AEN: variants seen among roughly 807,000 people sequenced by gnomAD.
The protein encoded by AEN is apoptosis-enhancing nuclease.
Under a neutral mutation model 17.7 loss-of-function variants are expected in AEN, and 21 were observed. The ratio of observed to expected loss-of-function variants is 1.19; its 90% CI spans 0.84 to 1.71. The LOEUF (loss-of-function observed/expected upper bound fraction) is 1.71. Ranked by LOEUF, AEN falls within the 40% of genes most tolerant of loss-of-function variation. The probability of loss-of-function intolerance (pLI) is 0.00; values close to 1 mark genes in which losing one functional copy is unlikely to be tolerated. For missense variants in AEN, 462 were observed against 435.9 expected, an observed-to-expected ratio of 1.06 and a Z score of -0.53; for synonymous variants, 190 against 173.0, an observed-to-expected ratio of 1.10 and a Z score of -0.77.
the AEN span, among the ~76,000 whole-genome samples, chr15:88,605,661 G>A: frequency 2.0e-5 from 3 of 152,234 alleles, no homozygotes. The surrounding 1 kb of genome is among the most constrained non-coding windows in gnomAD (Gnocchi z 7.6). Flanking sequence ...TGCTGAAAGA[G>A]AGCGCCTAAT....
chr15:88,630,377 G>A lies in AEN; in HGVS notation c.*83G>A, dbSNP rs1199254862. On this transcript the variant is annotated 3_prime_UTR_variant, in exon 4 of 4. Transcript: ENST00000332810. The surrounding 1 kb of genome is among the most constrained non-coding windows in gnomAD (Gnocchi z 5.1). ...AGGAGAGCAGCGGGCACTCCTTCCTGGGCAGGGTGGGGCAGGATGCAGTGA... is the reference window on the plus strand; with the variant it reads ...AGGAGAGCAGCGGGCACTCCTTCCTAGGCAGGGTGGGGCAGGATGCAGTGA... 1.5e-6 allele frequency: 2 copies of A among 1,305,238 alleles called. No homozygotes were observed. Among genetic ancestry groups the A allele is most frequent in the East Asian group, 2.5e-5 (1 of 39,614 alleles). The allele number at this position is 1,305,238 out of a possible 1,614,324, so 80.9% of individuals were successfully genotyped here. A position where few individuals can be genotyped will look rare whatever the true frequency, so the allele number is the denominator to read the frequency against.
the AEN span, among the ~76,000 whole-genome samples, chr15:88,611,623 C>CA: frequency 6.6e-6 from 1 of 151,790 alleles, no homozygotes; most frequent in Non-Finnish European, 1.5e-5. Context: ...CAACTGTGTC[C>CA]ATTATAGAAA....
chr15:88,631,310 G>A lies in AEN; in HGVS notation c.*1016G>A, dbSNP rs576511005. The A allele has an allele frequency of 3.1e-5, 11 of 353,818 alleles. No individual in the cohort carries two copies. Among genetic ancestry groups the A allele is most frequent in the Middle Eastern group, 5.1e-4 (1 of 1,962 alleles). The allele number at this position is 353,818 out of a possible 1,614,324, so 21.9% of individuals were successfully genotyped here. ...GCCCTGAACCTGGTCTGGTGCCCCCGAACCTGGTCTGATGCCCCCTCAGCT... is the reference window on the plus strand; with the variant it reads ...GCCCTGAACCTGGTCTGGTGCCCCCAAACCTGGTCTGATGCCCCCTCAGCT... On this transcript the variant is annotated 3_prime_UTR_variant, in exon 4 of 4. Transcript: ENST00000332810.
At chr15:88,620,418 C>CT (rs879545684), upstream of AEN, among the ~76,000 whole-genome samples, 53 of 150,638 alleles carry the variant, frequency 3.5e-4, no homozygotes, top group East Asian at 2.9e-3. Context: ...TTCTTTCTTT[C>CT]TTTTTTTTTG....
the AEN span, among the ~76,000 whole-genome samples, chr15:88,610,000 A>T: frequency 2.0e-5 from 3 of 152,194 alleles, no homozygotes; most frequent in Non-Finnish European, 4.4e-5. Flanking sequence ...CTTTAGGGCC[A>T]GGGTTGCTCA....
In AEN at chr15:88,629,301, C is replaced by T. The variant is rs760331879; in HGVS notation, c.616C>T (p.His206Tyr). The change falls in exon 3 of 4, where the codon CAC becomes TAC. Residue 206 changes from histidine (H) to tyrosine (Y), a missense_variant. Coordinates refer to ENST00000332810, the MANE Select transcript of AEN (RefSeq NM_022767.4). ...CGACTTCCAGGCGCTCAAGTATGTC[C>T]ACCCTCGGAGCCAGACCCGGGATAC... ...HNDFQALKYV[H>Y]PRSQTRDTTY... The T allele has an allele frequency of 6.2e-7, 1 of 1,614,150 alleles. No individual in the cohort carries two copies. Among genetic ancestry groups the T allele is most frequent in the South Asian group, 1.1e-5 (1 of 91,082 alleles).
the AEN span, among the ~76,000 whole-genome samples, chr15:88,607,465 A>G: frequency 6.6e-6 from 1 of 152,256 alleles, no homozygotes; most frequent in Non-Finnish European, 1.5e-5. Flanking sequence ...GGAAATCGCT[A>G]GCAAGTTACC....
the AEN span, among the ~76,000 whole-genome samples, chr15:88,609,260 A>G: frequency 3.9e-5 from 6 of 152,274 alleles, no homozygotes; most frequent in South Asian, 1.2e-3. Flanking sequence ...TACCCCTTTG[A>G]TTCCCTCAAA....
At chr15:88,622,619 A>AAACAG (rs112955650) in intron 1 of AEN, among the ~76,000 whole-genome samples, 11,104 of 152,178 alleles carry the variant, frequency 0.073, 457 homozygotes, top group African/African-American at 0.095. Context: ...AGTCAGAGTG[A>AAACAG]AACAGAACAG....
In AEN at chr15:88,631,189, C is replaced by T. The variant is rs148957684; in HGVS notation, c.*895C>T. 3.5e-4 allele frequency: 159 copies of T among 456,552 alleles called. No homozygotes were observed. The highest frequency in any genetic ancestry group is 2.8e-3 in the African/African-American group (142 of 50,160). 28.3% of individuals were successfully genotyped at this position (456,552 alleles called of 1,614,324 possible). A position where few individuals can be genotyped will look rare whatever the true frequency, so the allele number is the denominator to read the frequency against. On this transcript the variant is annotated 3_prime_UTR_variant, in exon 4 of 4. Transcript: ENST00000332810. ...GGCCTTTGTGTAGGATTGTGCCTGA[C>T]CTTTATTTATTTATTAACAGCAGGG...
intron 2 of AEN, chr15:88,627,106 A>C (rs1444544502): frequency 1.3e-5 from 3 of 238,400 alleles, no homozygotes; most frequent in African/African-American, 4.5e-5. Flanking sequence ...ATGTTTTGGC[A>C]TATTTCCTTA....
chr15:88,626,802 C>T (rs1379219867), intron 2 of AEN, 53 bp downstream of exon 2: 3 of 1,549,238 alleles, frequency 1.9e-6, no homozygotes, highest in Non-Finnish European at 8.7e-7. Flanking sequence ...TGGAAAGAGC[C>T]ACCCTGGGTT....
upstream of AEN, among the ~76,000 whole-genome samples, chr15:88,620,127 C>A (rs2057770017): frequency 6.6e-6 from 1 of 152,130 alleles, no homozygotes; most frequent in Non-Finnish European, 1.5e-5. Flanking sequence ...TCAGAAAGAG[C>A]TCCTAGCTTA....
At chr15:88,616,695 A>G (rs548422587), upstream of AEN, among the ~76,000 whole-genome samples, 4 of 152,346 alleles carry the variant, frequency 2.6e-5, no homozygotes, top group South Asian at 8.3e-4. Flanking sequence ...ACATTTTTCA[A>G]CTTTACAATA....
In AEN at chr15:88,629,164, G is replaced by A. The variant is rs1490792360; in HGVS notation, c.541-62G>A. Reference sequence around the variant, plus strand: ...TCTATTGGCCAGGGGTTCTCAGGGCGTGTCTCCTGCCAACCTGATGGGGTG... The same window carrying A: ...TCTATTGGCCAGGGGTTCTCAGGGCATGTCTCCTGCCAACCTGATGGGGTG... On this transcript the variant is annotated intron_variant, in intron 2 of 3. Coordinates refer to ENST00000332810, the MANE Select transcript of AEN (RefSeq NM_022767.4). 46 of 1,544,204 alleles carry A rather than the reference G, an allele frequency of 3.0e-5. No homozygotes were observed. In the South Asian group the frequency reaches 3.2e-4, roughly 11 times the overall value.
upstream of AEN, among the ~76,000 whole-genome samples, chr15:88,620,562 C>A (rs2057774555): frequency 7.7e-6 from 1 of 130,306 alleles, no homozygotes; most frequent in East Asian, 2.2e-4. Flanking sequence ...TTACAGGCTC[C>A]CGTCAACGCC....
Position 88,630,376 on chromosome 15 carries a change from TGGGCAGGGTG to T in AEN, c.*90_*99del. The T allele has an allele frequency of 1.5e-6, 2 of 1,346,668 alleles. No individual in the cohort carries two copies. Among genetic ancestry groups the T allele is most frequent in the Non-Finnish European group, 2.1e-6 (2 of 973,274 alleles). 83.4% of individuals were successfully genotyped at this position (1,346,668 alleles called of 1,614,324 possible). A position where few individuals can be genotyped will look rare whatever the true frequency, so the allele number is the denominator to read the frequency against. The stretch of plus-strand genomic sequence containing the variant: ...CAGGAGAGCAGCGGGCACTCCTTCC[TGGGCAGGGTG>T]GGGCAGGATGCAGTGAGCCAGCCCC... On this transcript the variant is annotated 3_prime_UTR_variant, in exon 4 of 4. Coordinates refer to ENST00000332810, the MANE Select transcript of AEN (RefSeq NM_022767.4). The surrounding 1 kb of genome is among the most constrained non-coding windows in gnomAD (Gnocchi z 5.1).
the AEN span, chr15:88,604,943 T>G: frequency 6.6e-6 from 1 of 152,206 alleles, no homozygotes; most frequent in South Asian, 2.1e-4. The surrounding 1 kb of genome is among the most constrained non-coding windows in gnomAD (Gnocchi z 8.1). Context: ...CGGCGACCCA[T>G]GCCAGGTAAA....
At chr15:88,605,256 T>G in the AEN span, 2 of 152,244 alleles carry the variant, frequency 1.3e-5, no homozygotes, top group Non-Finnish European at 2.9e-5. This position sits in a 1 kb window ranked among gnomAD's most constrained non-coding sequence, Gnocchi z 7.6. Flanking sequence ...GCAGTTTGTT[T>G]CGCTCGGTCC....
Sources: gnomAD v4.1 joint callset for allele counts (sites outside exome capture counted in the v4.1 genomes callset) on GRCh38, gnomAD v4.1.1 for gene constraint, Gnocchi (gnomAD v3.1) non-coding constraint, MANE v1.5 for transcripts, NCBI Gene and HGNC (gene_info 2026-07-23, HGNC 2026-07-21) for gene names.